Variants in SEC63 observed in about 807,000 individuals in gnomAD.
SEC63 encodes translocation protein SEC63 homolog.
SEC63 carries 56 observed loss-of-function variants against 116.2 expected under a neutral mutation model. The ratio of observed to expected loss-of-function variants is 0.48; its 90% confidence interval spans 0.39 to 0.60. The LOEUF (loss-of-function observed/expected upper bound fraction) is 0.60. SEC63 is among the 20% of genes least tolerant of loss of function. The probability of loss-of-function intolerance (pLI) is 0.00; values close to 1 mark genes in which losing one functional copy is unlikely to be tolerated. For missense variants in SEC63, 668 were observed against 900.0 expected (o/e 0.74, Z 3.30); for synonymous variants, 273 against 294.6 (o/e 0.93, Z 0.75).
intron 19 of SEC63, among the ~76,000 whole-genome samples, chr6:107,874,264 G>T (rs973701586): frequency 6.6e-6 from 1 of 151,988 alleles, no homozygotes; most frequent in Admixed American, 6.6e-5. Flanking sequence ...ACCTTGCCTG[G>T]ATTCTTGAAA....
In SEC63 at chr6:107,920,383, G is replaced by A. The variant is rs1397491702; in HGVS notation, c.452+1414C>T. On this transcript the variant is annotated intron_variant, in intron 4 of 20. Transcript: ENST00000369002. ...AAAGCTTGCAGTGAGCCGAGATAGC[G>A]CCACTGCAGTCCAGCCTGGGCGAAA... Among the ~76,000 whole-genome samples the A allele has an allele frequency of 6.8e-5, 9 of 132,824 alleles. No homozygotes were observed. In the East Asian group the frequency reaches 1.4e-3, roughly 20 times the overall value. 87.1% of individuals were successfully genotyped at this position (132,824 alleles called of 152,430 possible).
At chr6:107,900,322 T>C (rs1015691031) in intron 13 of SEC63, among the ~76,000 whole-genome samples, 2 of 152,066 alleles carry the variant, frequency 1.3e-5, no homozygotes, top group African/African-American at 2.4e-5. Context: ...TTTAAGCCTA[T>C]TGCTTCAACT....
chr6:107,958,135 C>A lies in SEC63; in HGVS notation c.-126G>T. The A allele has an allele frequency of 1.4e-6, 2 of 1,440,828 alleles. No individual in the cohort carries two copies. The highest frequency in any genetic ancestry group is 2.4e-5 in the East Asian group (1 of 42,532). 89.3% of individuals were successfully genotyped at this position (1,440,828 alleles called of 1,614,324 possible). A position where few individuals can be genotyped will look rare whatever the true frequency, so the allele number is the denominator to read the frequency against. On this transcript the variant is annotated 5_prime_UTR_variant, in exon 1 of 21. Coordinates refer to ENST00000369002, the MANE Select transcript of SEC63 (RefSeq NM_007214.5). Reference sequence around the variant, plus strand: ...CTGCCGCCGCCGCCTCTCCTCCCCGCCCCCACGCCACTCTCACGGACACGC... The same window carrying A: ...CTGCCGCCGCCGCCTCTCCTCCCCGACCCCACGCCACTCTCACGGACACGC...
At position 107,874,622 on chromosome 6, in the gene SEC63, G is replaced by C. The variant is rs1355783757; in HGVS notation, c.2035-1710C>G. Among the ~76,000 whole-genome samples, 3 of 144,162 alleles carry C rather than the reference G, an allele frequency of 2.1e-5. No individual in the cohort carries two copies. The South Asian group carries it at 6.6e-4, about 32-fold the overall frequency. The allele number at this position is 144,162 out of a possible 152,430, so 94.6% of individuals were successfully genotyped here. On this transcript the variant is annotated intron_variant, in intron 19 of 20. Coordinates refer to ENST00000369002, the MANE Select transcript of SEC63 (RefSeq NM_007214.5). The stretch of plus-strand genomic sequence containing the variant: ...AAAAAAAAAAAAAAAAAAAGAACAA[G>C]AACAAGAAAGTATTCAACACTAAAG...
intron 7 of SEC63, among the ~76,000 whole-genome samples, chr6:107,910,544 T>G (rs1425970904): frequency 6.6e-6 from 1 of 151,808 alleles, no homozygotes; most frequent in Non-Finnish European, 1.5e-5. Context: ...GTCATACATA[T>G]ATACATATAT....
intron 1 of SEC63, among the ~76,000 whole-genome samples, chr6:107,946,334 G>A (rs558573861): frequency 9.2e-5 from 14 of 151,802 alleles, no homozygotes; most frequent in African/African-American, 3.4e-4. Context: ...CCGGGTCCAA[G>A]CAATTCTCCT....
At chr6:107,904,602 A>G (rs1562323065) in intron 11 of SEC63, 27 bp downstream of exon 11, 1 of 1,534,240 alleles carries the variant, frequency 6.5e-7, no homozygotes, top group Non-Finnish European at 9.0e-7. Flanking sequence ...AAAAAGTATA[A>G]CATAATTAAC....
intron 4 of SEC63, among the ~76,000 whole-genome samples, chr6:107,914,430 A>C (rs1356731314): frequency 6.6e-6 from 1 of 152,182 alleles, no homozygotes; most frequent in Non-Finnish European, 1.5e-5. Flanking sequence ...GGCAATGCAG[A>C]AATACCTTTA....
intron 1 of SEC63, among the ~76,000 whole-genome samples, chr6:107,937,117 T>A (rs562045034): frequency 8.0e-6 from 1 of 125,026 alleles, no homozygotes; most frequent in Admixed American, 9.8e-5. Context: ...AGTGTATATG[T>A]ACCACATTTT....
intron 2 of SEC63, among the ~76,000 whole-genome samples, chr6:107,928,784 GT>G (rs1444948159): frequency 6.6e-6 from 1 of 152,166 alleles, no homozygotes; most frequent in African/African-American, 2.4e-5. Flanking sequence ...AAAGCCTTGT[GT>G]TTAACCAGTA....
intron 7 of SEC63, among the ~76,000 whole-genome samples, chr6:107,909,511 A>T (rs993861332): frequency 4.6e-5 from 7 of 152,192 alleles, no homozygotes; most frequent in African/African-American, 1.7e-4. Flanking sequence ...TCTTTCTTGC[A>T]TATTTCAAGT....
intron 8 of SEC63, among the ~76,000 whole-genome samples, chr6:107,907,816 C>G (rs537793058): frequency 1.7e-4 from 26 of 152,128 alleles, no homozygotes; most frequent in Non-Finnish European, 3.4e-4. Context: ...CCTAAAACAG[C>G]TAAAATAACC....
At chr6:107,929,053 A>C (rs895636581) in intron 2 of SEC63, among the ~76,000 whole-genome samples, 6 of 152,178 alleles carry the variant, frequency 3.9e-5, no homozygotes, top group Non-Finnish European at 7.3e-5. Flanking sequence ...TGCTCAATAA[A>C]CTTTAATTAT....
rs1423002954 is a variant in SEC63 at position 107,872,682 on chromosome 6, T to C, written c.2139+126A>G. 7 of 658,618 alleles carry C rather than the reference T, an allele frequency of 1.1e-5. No individual in the cohort carries two copies. The Admixed American group carries it at 1.3e-4, about 12-fold the overall frequency. 40.8% of individuals were successfully genotyped at this position (658,618 alleles called of 1,614,324 possible). On this transcript the variant is annotated intron_variant, in intron 20 of 20. Transcript: ENST00000369002. ...AAAGAGTAGTCCATCAAGTATATCA[T>C]ATATAAAGCATGAGATGACTTCTTT...
intron 1 of SEC63, among the ~76,000 whole-genome samples, chr6:107,955,021 C>A (rs1405395489): frequency 6.6e-6 from 1 of 152,182 alleles, no homozygotes; most frequent in Non-Finnish European, 1.5e-5. Context: ...GTAAAACGGG[C>A]AAACTGACAC....
Position 107,921,907 on chromosome 6 carries a change from T to A in SEC63, c.342A>T (p.Gly114=), listed in dbSNP as rs766643567. The change falls in exon 4 of 21, where the codon GGA becomes GGT. Residue 114 remains glycine, a splice_region_variant and synonymous_variant. Transcript: ENST00000369002. ...GTTTTTTAATTTCTGCTACTGTGGC[T>A]CCCTGGGGAAAAACAAAAAAAAAAA... is the stretch of plus-strand genomic sequence containing the variant. ...NPYEVLNLDP[G]ATVAEIKKQY... 1.9e-5 allele frequency: 23 copies of A among 1,185,002 alleles called. No homozygotes were observed. The highest frequency in any genetic ancestry group is 2.6e-5 in the Non-Finnish European group (22 of 858,160). 73.4% of individuals were successfully genotyped at this position (1,185,002 alleles called of 1,614,324 possible). A position where few individuals can be genotyped will look rare whatever the true frequency, so the allele number is the denominator to read the frequency against.
At chr6:107,941,188 C>A (rs532374769) in intron 1 of SEC63, among the ~76,000 whole-genome samples, 4 of 152,194 alleles carry the variant, frequency 2.6e-5, no homozygotes, top group Middle Eastern at 6.8e-3. Context: ...TGCTCAAGAT[C>A]GCAATGCTAG....
At chr6:107,945,414 C>A (rs1770461868) in intron 1 of SEC63, among the ~76,000 whole-genome samples, 1 of 150,792 alleles carries the variant, frequency 6.6e-6, no homozygotes, top group African/African-American at 2.4e-5. Flanking sequence ...TCAATCAATT[C>A]TCCTGCCTCA....
At chr6:107,903,615 G>T (rs150355012) in intron 11 of SEC63, among the ~76,000 whole-genome samples, 547 of 152,266 alleles carry the variant, frequency 3.6e-3, no homozygotes, top group African/African-American at 0.013. Context: ...TAAGGTAGAA[G>T]GACTGCTTGA....
Sources: allele counts gnomAD v4.1 joint callset (sites outside exome capture counted in the v4.1 genomes callset), GRCh38; gene constraint gnomAD v4.1.1; transcripts MANE v1.5; gene names NCBI Gene and HGNC (gene_info 2026-07-23, HGNC 2026-07-21).